KCNIP4: variants seen among roughly 807,000 people sequenced by gnomAD.
The protein encoded by KCNIP4 is potassium voltage-gated channel interacting protein 4.
In KCNIP4, 12 loss-of-function variants were observed where a neutral mutation model predicts 34.0. That is an observed-to-expected ratio of 0.35 (90% CI 0.23 to 0.57). The LOEUF is 0.57. Ranked by LOEUF, KCNIP4 falls within the 20% of genes least tolerant of loss-of-function variation. The pLI, the probability that KCNIP4 is intolerant of heterozygous loss-of-function variation, is 0.83. For synonymous variants in KCNIP4, 124 were observed against 102.2 expected (o/e 1.21, Z -1.29); for missense variants, 238 against 311.7 (o/e 0.76, Z 1.78).
At chr4:21,175,739 A>G (rs932432002) in intron 1 of KCNIP4, among the ~76,000 whole-genome samples, 1 of 152,058 alleles carries the variant, frequency 6.6e-6, no homozygotes, top group Non-Finnish European at 1.5e-5. Flanking sequence ...AGAGTGGGCC[A>G]GGGTAAGATT....
chr4:21,645,653 C>A lies in KCNIP4; in HGVS notation c.61+302918G>T, dbSNP rs541047668. 1.1e-4 allele frequency among the ~76,000 whole-genome samples: 16 copies of A among 152,214 alleles called. No homozygotes were observed. The South Asian group carries it at 3.1e-3, about 30-fold the overall frequency. ...CAGTTCCCAGTCTAAGACCTCATAT[C>A]TGCCTATCTCTGTGCTGTCCTTGAT... On this transcript the variant is annotated intron_variant, in intron 1 of 8. Coordinates refer to ENST00000382152, the MANE Select transcript of KCNIP4 (RefSeq NM_025221.6).
At chr4:21,632,343 A>G (rs1055781577) in intron 1 of KCNIP4, among the ~76,000 whole-genome samples, 5 of 152,062 alleles carry the variant, frequency 3.3e-5, no homozygotes, top group African/African-American at 1.2e-4. Context: ...CCTCCTGAGT[A>G]CCTGAGATTA....
intron 1 of KCNIP4, among the ~76,000 whole-genome samples, chr4:21,202,164 C>A (rs990881763): frequency 6.6e-6 from 1 of 152,150 alleles, no homozygotes; most frequent in African/African-American, 2.4e-5. Context: ...GACACATGCA[C>A]CCCAATGTCC....
intron 1 of KCNIP4, among the ~76,000 whole-genome samples, chr4:21,345,342 T>G (rs1717184152): frequency 6.6e-6 from 1 of 152,114 alleles, no homozygotes; most frequent in South Asian, 2.1e-4. Flanking sequence ...CAACCAACAG[T>G]TTGTCTGCAA....
intron 1 of KCNIP4, among the ~76,000 whole-genome samples, chr4:21,854,775 A>G (rs1283716670): frequency 6.6e-6 from 1 of 152,186 alleles, no homozygotes; most frequent in Admixed American, 6.5e-5. Context: ...ACAACTGGAC[A>G]TGGCCACTTG....
intron 2 of KCNIP4, among the ~76,000 whole-genome samples, chr4:20,851,140 C>T (rs981872709): frequency 3.9e-4 from 60 of 152,146 alleles, no homozygotes; most frequent in African/African-American, 1.3e-3. Flanking sequence ...ATCATCCCAT[C>T]GCCCAGGTAT....
chr4:20,974,810 C>T (rs1577467828), intron 1 of KCNIP4, among the ~76,000 whole-genome samples: 1 of 152,132 alleles, frequency 6.6e-6, no homozygotes, highest in East Asian at 1.9e-4. Context: ...ATGACTAGTA[C>T]AGTTCTTGGT....
At chr4:20,841,506 T>C (rs1311580497) in intron 3 of KCNIP4, among the ~76,000 whole-genome samples, 2 of 152,134 alleles carry the variant, frequency 1.3e-5, no homozygotes, top group African/African-American at 4.8e-5. Flanking sequence ...ACTCTCAAGA[T>C]AGCTGTGAGT....
At chr4:20,805,423 T>G (rs1714957944) in intron 3 of KCNIP4, among the ~76,000 whole-genome samples, 1 of 152,076 alleles carries the variant, frequency 6.6e-6, no homozygotes, top group South Asian at 2.1e-4. Flanking sequence ...TCTGAGAAAT[T>G]TCTTTGAATA....
chr4:21,561,628 T>G (rs946934876), intron 1 of KCNIP4, among the ~76,000 whole-genome samples: 1 of 151,908 alleles, frequency 6.6e-6, no homozygotes, highest in East Asian at 1.9e-4. Flanking sequence ...ACCGGTTTTA[T>G]GCATACTGTC....
chr4:20,904,834 GT>G (rs1205572517), intron 1 of KCNIP4, among the ~76,000 whole-genome samples: 2 of 152,066 alleles, frequency 1.3e-5, no homozygotes, highest in Non-Finnish European at 2.9e-5. Context: ...TTTTACTTGT[GT>G]TTATCCTTGG....
At chr4:21,508,291 A>G (rs2109912688) in intron 1 of KCNIP4, among the ~76,000 whole-genome samples, 1 of 152,356 alleles carries the variant, frequency 6.6e-6, no homozygotes, top group East Asian at 1.9e-4. Flanking sequence ...AACCAATTCA[A>G]AAATGCCTCT....
chr4:20,884,259 G>A (rs1272748926), intron 1 of KCNIP4, among the ~76,000 whole-genome samples: 1 of 152,170 alleles, frequency 6.6e-6, no homozygotes, highest in Admixed American at 6.5e-5. Flanking sequence ...TGAAGAACGT[G>A]CAGGTTTGTT....
intron 1 of KCNIP4, among the ~76,000 whole-genome samples, chr4:21,391,152 T>C (rs181966689): frequency 2.9e-4 from 44 of 152,282 alleles, no homozygotes; most frequent in Admixed American, 2.2e-3. Context: ...CCTTTTCAAA[T>C]TGGGTTGATA....
chr4:21,140,453 TTAAC>T (rs1416969703), intron 1 of KCNIP4, among the ~76,000 whole-genome samples: 1 of 152,188 alleles, frequency 6.6e-6, no homozygotes. Flanking sequence ...AATTAACTAA[TTAAC>T]TAATGCATCT....
At chr4:21,034,169 C>A (rs578093231) in intron 1 of KCNIP4, among the ~76,000 whole-genome samples, 6 of 152,110 alleles carry the variant, frequency 3.9e-5, no homozygotes, top group African/African-American at 1.4e-4. Flanking sequence ...TTTTTTACAT[C>A]TCATTATTAG....
chr4:21,485,502 A>G (rs1300662433), intron 1 of KCNIP4, among the ~76,000 whole-genome samples: 3 of 152,136 alleles, frequency 2.0e-5, no homozygotes, highest in Non-Finnish European at 4.4e-5. Flanking sequence ...CCCTAATCCA[A>G]TCTCAACTCT....
chr4:21,417,275 G>A (rs1725034046), intron 1 of KCNIP4, among the ~76,000 whole-genome samples: 1 of 147,852 alleles, frequency 6.8e-6, no homozygotes, highest in African/African-American at 2.5e-5. Context: ...GTTTCTTGAG[G>A]TGTGTGTGTG....
At chr4:21,175,520 G>A (rs907627225) in intron 1 of KCNIP4, among the ~76,000 whole-genome samples, 1 of 152,006 alleles carries the variant, frequency 6.6e-6, no homozygotes, top group African/African-American at 2.4e-5. Context: ...TCCTTAACTA[G>A]ACAACTTTCA....
Sources: gnomAD v4.1 joint callset for allele counts (sites outside exome capture counted in the v4.1 genomes callset) on GRCh38, gnomAD v4.1.1 for gene constraint, MANE v1.5 for transcripts, NCBI Gene and HGNC (gene_info 2026-07-23, HGNC 2026-07-21) for gene names.